SMC1B: variants seen among roughly 807,000 people sequenced by gnomAD.
SMC1B encodes the protein structural maintenance of chromosomes 1B.
In SMC1B, 60 loss-of-function variants were observed where a neutral mutation model predicts 157.9. The observed-to-expected ratio is 0.38, with a 90% CI of 0.31 to 0.47. SMC1B has a LOEUF of 0.47. SMC1B is among the 20% of genes least tolerant of loss of function. SMC1B has a pLI of 0.99. For synonymous variants in SMC1B, 445 were observed against 483.0 expected, an observed-to-expected ratio of 0.92 and a Z score of 1.03; for missense variants, 1,165 against 1,426.2, an observed-to-expected ratio of 0.82 and a Z score of 2.95.
intron 6 of SMC1B, among the ~76,000 whole-genome samples, chr22:45,397,004 GACAA>G (rs1336734903): frequency 2.6e-5 from 4 of 151,802 alleles, no homozygotes; most frequent in Admixed American, 1.3e-4. Context: ...ACATGTAATC[GACAA>G]ACAACCACAT....
intron 7 of SMC1B, among the ~76,000 whole-genome samples, chr22:45,395,523 A>G (rs187411084): frequency 2.6e-5 from 4 of 152,306 alleles, no homozygotes; most frequent in African/African-American, 4.8e-5. Context: ...GGTACCAATT[A>G]ATTTTAATTT....
chr22:45,413,241 ACC>A (rs1403321466), intron 1 of SMC1B, among the ~76,000 whole-genome samples: 2 of 150,554 alleles, frequency 1.3e-5, no homozygotes, highest in African/African-American at 2.5e-5. Flanking sequence ...AAGGGTCGGG[ACC>A]CCTGAGGTGG....
At chr22:45,355,136 CACTG>C in intron 19 of SMC1B, 21 bp from the exon 20 acceptor site, 1 of 1,613,602 alleles carries the variant, frequency 6.2e-7, no homozygotes, top group South Asian at 1.1e-5. Flanking sequence ...CAAAGAACAA[CACTG>C]ACTGGCATGG....
In SMC1B at chr22:45,359,833, C is replaced by A. The variant is rs1237318054; in HGVS notation, c.2834G>T (p.Gly945Val). Residue 945 changes from glycine to valine, a missense_variant, in exon 18 of 25, where the codon GGG (glycine) becomes GTG (valine). By Grantham distance (109) the Gly-to-Val change is moderately radical. Coordinates refer to ENST00000357450, the MANE Select transcript of SMC1B (RefSeq NM_148674.5). The stretch of plus-strand genomic sequence containing the variant: ...CACTTCAATGATGTCATCCAGTGAC[C>A]CCGACAAAAGGATTATCTCAATGTC... ...VQDIEIILLS[G>V]SLDDIIEVEM... 6.2e-7 allele frequency: 1 copy of A among 1,613,346 alleles called. No individual in the cohort carries two copies. Among genetic ancestry groups the A allele is most frequent in the Admixed American group, 1.7e-5 (1 of 59,938 alleles).
At chr22:45,376,408 A>C (rs1250943186) in intron 12 of SMC1B, among the ~76,000 whole-genome samples, 1 of 152,196 alleles carries the variant, frequency 6.6e-6, no homozygotes, top group East Asian at 1.9e-4. Context: ...GTATGTATAT[A>C]CCACATTCTG....
Position 45,372,223 on chromosome 22 carries a change from T to G in SMC1B, c.2128A>C (p.Thr710Pro). The change falls in exon 13 of 25, where the codon ACA becomes CCA. Residue 710 changes from threonine (T) to proline (P), a missense_variant. Coordinates refer to ENST00000357450, the MANE Select transcript of SMC1B (RefSeq NM_148674.5). ...QIQTLIQGTQTRLKYSQNELE... is the reference protein window; with the variant it reads ...QIQTLIQGTQPRLKYSQNELE... ...TCATTTTGTGAATATTTGAGTCGTG[T>G]TTGAGTTCCCTGTATCAGGGTCTGT... 2 of 1,612,668 alleles carry G rather than the reference T, an allele frequency of 1.2e-6. No individual in the cohort carries two copies. Among genetic ancestry groups the G allele is most frequent in the Non-Finnish European group, 1.7e-6 (2 of 1,179,328 alleles).
chr22:45,372,914 C>T (rs893235217), intron 12 of SMC1B, among the ~76,000 whole-genome samples: 1 of 152,010 alleles, frequency 6.6e-6, no homozygotes, highest in Non-Finnish European at 1.5e-5. Flanking sequence ...GGGGTTTCAT[C>T]GTGTTAGCCA....
chr22:45,382,214 A>G (rs1228762884), intron 12 of SMC1B, among the ~76,000 whole-genome samples: 5 of 152,256 alleles, frequency 3.3e-5, no homozygotes, highest in Non-Finnish European at 7.3e-5. Flanking sequence ...ATAAAAGATT[A>G]AATTTGGCTA....
chr22:45,388,911 C>G (rs984179037), intron 10 of SMC1B, among the ~76,000 whole-genome samples: 1 of 134,252 alleles, frequency 7.4e-6, no homozygotes, highest in Non-Finnish European at 1.5e-5. Flanking sequence ...TGCTTGAACC[C>G]GGAAGGTGGA....
chr22:45,344,744 C>G (rs566924753), intron 24 of SMC1B, 87 bp from the exon 25 acceptor site: 33 of 824,594 alleles, frequency 4.0e-5, no homozygotes, highest in Admixed American at 6.5e-5. Flanking sequence ...TCTAGAATTG[C>G]ATTCAAAAGG....
chr22:45,406,500 A>G lies in SMC1B; in HGVS notation c.575T>C (p.Ile192Thr), dbSNP rs761499778. The change falls in exon 4 of 25, where the codon ATA becomes ACA. Residue 192 changes from isoleucine to threonine, a missense_variant. Coordinates refer to ENST00000357450, the MANE Select transcript of SMC1B (RefSeq NM_148674.5). ...AQFNFNKKKN[I>T]AAERRQAKLE... ...TTTTGCTTGTCTGCGCTCTGCCGCT[A>G]TATTTTTTTTCTTATTAAAGTTAAA... The G allele has an allele frequency of 1.5e-5, 24 of 1,612,136 alleles. No individual in the cohort carries two copies. The highest frequency in any genetic ancestry group is 5.0e-5 in the Admixed American group (3 of 59,796).
intron 10 of SMC1B, among the ~76,000 whole-genome samples, chr22:45,388,840 C>G (rs539945128): frequency 2.0e-5 from 3 of 151,298 alleles, no homozygotes; most frequent in Non-Finnish European, 4.4e-5. Context: ...GAAAAAAAAT[C>G]AGCCGGGCGT....
chr22:45,374,732 A>G (rs2086868507), intron 12 of SMC1B, among the ~76,000 whole-genome samples: 1 of 152,184 alleles, frequency 6.6e-6, no homozygotes, highest in Non-Finnish European at 1.5e-5. Flanking sequence ...ACAGCAACCT[A>G]TTTATACACA....
chr22:45,392,431 T>A (rs2087070782), intron 9 of SMC1B, among the ~76,000 whole-genome samples: 1 of 151,914 alleles, frequency 6.6e-6, no homozygotes, highest in Non-Finnish European at 1.5e-5. Context: ...TCCTAGATTA[T>A]CACCATTTTC....
chr22:45,355,024 G>T lies in SMC1B; in HGVS notation c.3053C>A (p.Ala1018Asp). 6.2e-7 allele frequency: 1 copy of T among 1,614,184 alleles called. No individual in the cohort carries two copies. The highest frequency in any genetic ancestry group is 8.5e-7 in the Non-Finnish European group (1 of 1,180,032). ...SQEDILLKTA[A>D]PNLRALENLK... ...GTTCTCCAGTGCTCGTAGGTTTGGGGCTGCTGTTTTCAGTAAGATATCTTC... is the reference window on the plus strand; with the variant it reads ...GTTCTCCAGTGCTCGTAGGTTTGGGTCTGCTGTTTTCAGTAAGATATCTTC... Residue 1018 changes from alanine to aspartate, a missense_variant, in exon 20 of 25, where the codon GCC (alanine) becomes GAC (aspartate). Physicochemically the swap from Ala to Asp is moderately radical, Grantham distance 126. Transcript: ENST00000357450.
intron 17 of SMC1B, 114 bp from the exon 18 acceptor site, chr22:45,360,072 T>C (rs1472459651): frequency 2.6e-6 from 2 of 760,374 alleles, no homozygotes; most frequent in Non-Finnish European, 4.1e-6. Context: ...TTCCTGTGAG[T>C]GCTGTAAGTT....
At position 45,354,958 on chromosome 22, in the gene SMC1B, C is replaced by T; in HGVS notation, c.3118+1G>A. The T allele has an allele frequency of 6.2e-7, 1 of 1,613,900 alleles. No homozygotes were observed. The highest frequency in any genetic ancestry group is 8.5e-7 in the Non-Finnish European group (1 of 1,179,862). On this transcript the variant is annotated splice_donor_variant, in intron 20 of 24. Transcript: ENST00000357450. LOFTEE classifies it high-confidence loss of function. ...TTGTTAGTGACTACACTCAATTTTACCATCTGTGGACTCTTGAAACTTGTC... is the reference window on the plus strand; with the variant it reads ...TTGTTAGTGACTACACTCAATTTTATCATCTGTGGACTCTTGAAACTTGTC...
intron 7 of SMC1B, among the ~76,000 whole-genome samples, chr22:45,395,382 GTTC>G (rs1324220170): frequency 2.6e-5 from 4 of 152,134 alleles, no homozygotes; most frequent in Non-Finnish European, 4.4e-5. Context: ...AACTACATGT[GTTC>G]TTCTTGTTTT....
At chr22:45,354,916 C>T in intron 20 of SMC1B, 43 bp downstream of exon 20, 1 of 1,584,984 alleles carries the variant, frequency 6.3e-7, no homozygotes, top group African/African-American at 1.3e-5. Flanking sequence ...GCAATCAAAA[C>T]ACCCATGAAT....
Sources: gnomAD v4.1 joint callset for allele counts (sites outside exome capture counted in the v4.1 genomes callset) on GRCh38, gnomAD v4.1.1 for gene constraint, MANE v1.5 for transcripts, NCBI Gene and HGNC (gene_info 2026-07-23, HGNC 2026-07-21) for gene names.